Variants in ANKRD55 observed in about 807,000 individuals in gnomAD.
The protein encoded by ANKRD55 is ankyrin repeat domain-containing protein 55.
A neutral mutation model predicts 60.6 loss-of-function variants in ANKRD55; 41 were observed. That is an observed-to-expected ratio of 0.68 (90% CI 0.53 to 0.88). The LOEUF (loss-of-function observed/expected upper bound fraction) is 0.88. ANKRD55 is among the 40% of genes least tolerant of loss of function. The probability of loss-of-function intolerance (pLI) is 0.00; values close to 1 mark genes in which losing one functional copy is unlikely to be tolerated. For missense variants in ANKRD55, 732 were observed against 767.6 expected (o/e 0.95, Z 0.55); for synonymous variants, 264 against 290.3 (o/e 0.91, Z 0.92).
chr5:56,170,922 C>CT (rs1366540867), intron 4 of ANKRD55, 119 bp from the exon 5 acceptor site: 9 of 873,116 alleles, frequency 1.0e-5, no homozygotes, highest in Non-Finnish European at 1.6e-5. Context: ...TTTTATTTGA[C>CT]TTGAAGTGGT....
chr5:56,186,642 G>A (rs903763446), intron 2 of ANKRD55, among the ~76,000 whole-genome samples: 11 of 152,006 alleles, frequency 7.2e-5, no homozygotes, highest in Non-Finnish European at 1.3e-4. Context: ...TTTTTTTTTG[G>A]TGCGTTTAGA....
At chr5:56,208,588 C>T (rs1440817564) in intron 2 of ANKRD55, among the ~76,000 whole-genome samples, 3 of 151,966 alleles carry the variant, frequency 2.0e-5, no homozygotes, top group African/African-American at 7.3e-5. Context: ...CCATGCCCAG[C>T]TAATTTTTGT....
intron 2 of ANKRD55, among the ~76,000 whole-genome samples, chr5:56,212,195 G>A (rs530685099): frequency 5.1e-4 from 78 of 152,054 alleles, no homozygotes; most frequent in African/African-American, 1.6e-3. Flanking sequence ...AATGCATCAT[G>A]GCCAAATACA....
At chr5:56,223,678 AG>A (rs1282701641) in intron 2 of ANKRD55, among the ~76,000 whole-genome samples, 1 of 152,220 alleles carries the variant, frequency 6.6e-6, no homozygotes, top group African/African-American at 2.4e-5. Context: ...AAAAAAAGGC[AG>A]GGGTTGCAAT....
chr5:56,139,996 G>A (rs898747991), intron 7 of ANKRD55, among the ~76,000 whole-genome samples: 2 of 152,120 alleles, frequency 1.3e-5, no homozygotes, highest in African/African-American at 4.8e-5. Context: ...TGAGCCCAGG[G>A]TAAAACTTAG....
At chr5:56,127,166 G>T (rs531084613) in intron 7 of ANKRD55, 60 bp from the exon 8 acceptor site, 1 of 1,354,468 alleles carries the variant, frequency 7.4e-7, no homozygotes, top group Non-Finnish European at 9.6e-7. Context: ...CTCTGTCTAG[G>T]CATGTTAAGA....
At position 56,224,053 on chromosome 5, in the gene ANKRD55, C is replaced by T. The variant is rs572551499; in HGVS notation, c.58+8803G>A. 7.2e-5 allele frequency among the ~76,000 whole-genome samples: 11 copies of T among 152,236 alleles called. No homozygotes were observed. In the South Asian group the frequency reaches 1.0e-3, roughly 14 times the overall value. ...ATATACATTCTTCTCAGCACCACAC[C>T]GCACTTATTCCAAAATTGACCACAT... is the stretch of plus-strand genomic sequence containing the variant. On this transcript the variant is annotated intron_variant, in intron 2 of 11. Coordinates refer to ENST00000341048, the MANE Select transcript of ANKRD55 (RefSeq NM_024669.3).
At chr5:56,129,915 G>A (rs1485452725) in intron 7 of ANKRD55, among the ~76,000 whole-genome samples, 2 of 152,230 alleles carry the variant, frequency 1.3e-5, no homozygotes, top group African/African-American at 4.8e-5. Context: ...TGGCTCATCG[G>A]TTGGAGCCAG....
At position 56,179,028 on chromosome 5, in the gene ANKRD55, T is replaced by C. The variant is rs1275866496; in HGVS notation, c.182-2746A>G. Reference sequence around the variant, plus strand: ...TAGGTGCTTATACCTTATAACCCTGTAATTCCACTTCCAAGTTTATTTCAT... The same window carrying C: ...TAGGTGCTTATACCTTATAACCCTGCAATTCCACTTCCAAGTTTATTTCAT... On this transcript the variant is annotated intron_variant, in intron 3 of 11. Coordinates refer to ENST00000341048, the MANE Select transcript of ANKRD55 (RefSeq NM_024669.3). Among the ~76,000 whole-genome samples the C allele has an allele frequency of 2.0e-5, 3 of 152,186 alleles. No homozygotes were observed. The East Asian group carries it at 5.8e-4, about 29-fold the overall frequency.
chr5:56,183,851 C>A (rs1160068660), intron 2 of ANKRD55, among the ~76,000 whole-genome samples: 1 of 152,138 alleles, frequency 6.6e-6, no homozygotes, highest in African/African-American at 2.4e-5. Flanking sequence ...TGGAAAGGAA[C>A]CTGAGGGATT....
In ANKRD55 at chr5:56,184,169, G is replaced by A. The variant is rs183259897; in HGVS notation, c.59-535C>T. 1.1e-3 allele frequency among the ~76,000 whole-genome samples: 165 copies of A among 152,346 alleles called. 6 individuals carry two copies. The highest frequency in any genetic ancestry group is 0.011 in the Admixed American group (165 of 15,312). ...CTCACCCTTTTGCTTGCCCATGAGA[G>A]GCACGGGCAGGAGCCTGATGGGGAG... On this transcript the variant is annotated intron_variant, in intron 2 of 11. Transcript: ENST00000341048.
chr5:56,135,294 G>GCTTTCTTTCTTT (rs1255557630), intron 7 of ANKRD55, among the ~76,000 whole-genome samples: 13 of 84,454 alleles, frequency 1.5e-4, no homozygotes, highest in South Asian at 5.3e-4. Flanking sequence ...CTGCCTGCTT[G>GCTTTCTTTCTTT]CTTTCTTTCT....
At chr5:56,198,343 A>G (rs1759275510) in intron 2 of ANKRD55, among the ~76,000 whole-genome samples, 1 of 151,658 alleles carries the variant, frequency 6.6e-6, no homozygotes, top group African/African-American at 2.4e-5. Flanking sequence ...CTTGTTACCC[A>G]GGCGTGATCT....
intron 3 of ANKRD55, 69 bp downstream of exon 3, chr5:56,183,443 C>T: frequency 6.3e-7 from 1 of 1,585,836 alleles, no homozygotes; most frequent in Non-Finnish European, 8.6e-7. Context: ...TAACATTGCT[C>T]ATGTCTGAAG....
intron 2 of ANKRD55, among the ~76,000 whole-genome samples, chr5:56,194,365 G>T (rs1759180783): frequency 1.3e-5 from 2 of 151,452 alleles, no homozygotes; most frequent in African/African-American, 4.8e-5. Context: ...GTTGCTCAGT[G>T]TTGTTAATAC....
intron 2 of ANKRD55, among the ~76,000 whole-genome samples, chr5:56,199,960 C>T (rs1759327790): frequency 6.6e-6 from 1 of 151,304 alleles, no homozygotes; most frequent in African/African-American, 2.4e-5. Context: ...GCCTGAGCAA[C>T]ACAGCATCTC....
At chr5:56,125,375 G>T (rs994760486) in intron 8 of ANKRD55, among the ~76,000 whole-genome samples, 5 of 151,662 alleles carry the variant, frequency 3.3e-5, no homozygotes, top group Admixed American at 6.6e-5. Flanking sequence ...CTGCCTCTTG[G>T]GTTCAAGCGA....
chr5:56,175,456 C>T (rs1447672693), intron 4 of ANKRD55, among the ~76,000 whole-genome samples: 2 of 152,184 alleles, frequency 1.3e-5, no homozygotes, highest in African/African-American at 4.8e-5. Flanking sequence ...GGACTCAAGG[C>T]ACCCCTAGGA....
At chr5:56,166,402 A>C (rs1472075290) in intron 5 of ANKRD55, among the ~76,000 whole-genome samples, 1 of 151,560 alleles carries the variant, frequency 6.6e-6, no homozygotes, top group Non-Finnish European at 1.5e-5. Flanking sequence ...GGACTACAGG[A>C]GCACACCACT....
Sources: allele counts gnomAD v4.1 joint callset (sites outside exome capture counted in the v4.1 genomes callset), GRCh38; gene constraint gnomAD v4.1.1; transcripts MANE v1.5; gene names NCBI Gene and HGNC (gene_info 2026-07-23, HGNC 2026-07-21).